RNF121: variants seen among roughly 807,000 people sequenced by gnomAD.
The protein encoded by RNF121 is ring finger protein 121.
RNF121 carries 21 observed loss-of-function variants against 46.5 expected under a neutral mutation model. The observed-to-expected ratio is 0.45, with a 90% CI of 0.32 to 0.65. The LOEUF (loss-of-function observed/expected upper bound fraction) is 0.65, where lower values mean the gene tolerates loss of function less well. RNF121 is among the 30% of genes least tolerant of loss of function. The pLI is 0.04. For missense variants in RNF121, 346 were observed against 416.0 expected, an observed-to-expected ratio of 0.83 and a Z score of 1.46; for synonymous variants, 139 against 144.7, an observed-to-expected ratio of 0.96 and a Z score of 0.28.
intron 1 of RNF121, among the ~76,000 whole-genome samples, chr11:71,942,798 A>C (rs1953613591): frequency 2.5e-5 from 1 of 40,100 alleles, no homozygotes; most frequent in Admixed American, 2.4e-4. Flanking sequence ...ATAGATATAT[A>C]TATGTACACA....
Position 71,994,866 on chromosome 11 carries a change from A to G in RNF121, c.761+14A>G. 1 of 1,614,064 alleles carries G rather than the reference A, an allele frequency of 6.2e-7. No homozygotes were observed. The highest frequency in any genetic ancestry group is 8.5e-7 in the Non-Finnish European group (1 of 1,179,954). ...CTGCAATCATGTGTATCCTGCCTCG[A>G]GCTCCTGGGCCACATCTCTCCTGCA... On this transcript the variant is annotated intron_variant, in intron 7 of 8. Coordinates refer to ENST00000361756, the MANE Select transcript of RNF121 (RefSeq NM_018320.5).
At position 71,938,507 on chromosome 11, in the gene RNF121, C is replaced by T. The variant is rs541742448; in HGVS notation, c.63+9383C>T. 1.0e-3 allele frequency among the ~76,000 whole-genome samples: 156 copies of T among 151,840 alleles called. 2 individuals carry two copies. The South Asian group carries it at 0.031, about 30-fold the overall frequency. On this transcript the variant is annotated intron_variant, in intron 1 of 8. Coordinates refer to ENST00000361756, the MANE Select transcript of RNF121 (RefSeq NM_018320.5). ...GCTAATTTTGCATTTTTAGTAGAGA[C>T]GTGGTTTCTCCATGTTGGTCAGGCT...
chr11:71,982,250 C>T (rs1175719251), intron 3 of RNF121, among the ~76,000 whole-genome samples: 5 of 135,170 alleles, frequency 3.7e-5, no homozygotes, highest in African/African-American at 1.4e-4. Context: ...GCAAGAGAAT[C>T]GCTTAAACCT....
chr11:71,967,174 A>G (rs1462230734), intron 3 of RNF121, among the ~76,000 whole-genome samples: 2 of 150,730 alleles, frequency 1.3e-5, no homozygotes, highest in Non-Finnish European at 1.5e-5. Context: ...CCCGGCCAAT[A>G]TTTGTGTTTT....
intron 3 of RNF121, among the ~76,000 whole-genome samples, chr11:71,974,645 A>C (rs1954490004): frequency 9.1e-6 from 1 of 110,348 alleles, no homozygotes; most frequent in Admixed American, 9.6e-5. Context: ...CAAAGGCTTC[A>C]GGAAATTTTT....
At chr11:71,950,580 C>G (rs1478456401) in intron 1 of RNF121, among the ~76,000 whole-genome samples, 1 of 151,598 alleles carries the variant, frequency 6.6e-6, no homozygotes, top group Non-Finnish European at 1.5e-5. Context: ...CAGAGCAAGA[C>G]TCTGTCTTAA....
chr11:71,979,972 T>C (rs935834737), intron 3 of RNF121, among the ~76,000 whole-genome samples: 1 of 152,222 alleles, frequency 6.6e-6, no homozygotes, highest in Non-Finnish European at 1.5e-5. Context: ...TGCCACCCTT[T>C]TAGTTTCATG....
rs1954705703 is a variant in RNF121 at position 71,983,457 on chromosome 11, CA to C, written c.398+543del. Reference sequence around the variant, plus strand: ...GAATTTTTGTTGAATGAATGAATCTCAGCAAATTTATAATTTTCCAATAAAC... The same window carrying C: ...GAATTTTTGTTGAATGAATGAATCTCGCAAATTTATAATTTTCCAATAAAC... On this transcript the variant is annotated intron_variant, in intron 4 of 8. Transcript: ENST00000361756. Among the ~76,000 whole-genome samples, 6 of 152,344 alleles carry C rather than the reference CA, an allele frequency of 3.9e-5. No homozygotes were observed. In the South Asian group the frequency reaches 1.2e-3, roughly 32 times the overall value.
At chr11:71,984,374 G>C (rs1415961813) in intron 4 of RNF121, among the ~76,000 whole-genome samples, 1 of 149,474 alleles carries the variant, frequency 6.7e-6, no homozygotes, top group East Asian at 2.0e-4. Flanking sequence ...CCGCCTCCTG[G>C]GTTCACACCA....
intron 1 of RNF121, among the ~76,000 whole-genome samples, chr11:71,943,196 T>C (rs1953628328): frequency 6.6e-6 from 1 of 152,254 alleles, no homozygotes; most frequent in Non-Finnish European, 1.5e-5. Context: ...AAATAGAGCC[T>C]ACAGGACTTG....
chr11:71,931,100 G>T (rs1953268401), intron 1 of RNF121, among the ~76,000 whole-genome samples: 1 of 152,146 alleles, frequency 6.6e-6, no homozygotes, highest in Admixed American at 6.5e-5. Flanking sequence ...TCCCAAATGT[G>T]CTGGGATTAC....
At chr11:71,934,205 A>G (rs1240532184) in intron 1 of RNF121, among the ~76,000 whole-genome samples, 2 of 152,222 alleles carry the variant, frequency 1.3e-5, no homozygotes, top group Admixed American at 1.3e-4. Flanking sequence ...TTCTCAACTT[A>G]GTCCTCAAAC....
chr11:71,951,350 A>G (rs1565145831), intron 1 of RNF121, among the ~76,000 whole-genome samples: 1 of 152,094 alleles, frequency 6.6e-6, no homozygotes, highest in Admixed American at 6.5e-5. Flanking sequence ...GATGTACATT[A>G]TTTTTTTCTT....
intron 1 of RNF121, among the ~76,000 whole-genome samples, chr11:71,931,106 A>G (rs56891737): frequency 0.029 from 4,346 of 152,228 alleles, 225 homozygotes; most frequent in African/African-American, 0.099. Flanking sequence ...ATGTGCTGGG[A>G]TTACAGGTGT....
chr11:71,981,147 CA>C (rs1379939609), intron 3 of RNF121, among the ~76,000 whole-genome samples: 1 of 151,774 alleles, frequency 6.6e-6, no homozygotes, highest in African/African-American at 2.4e-5. Flanking sequence ...CTCTTGGGTT[CA>C]CACCATTCTC....
chr11:71,951,270 G>A (rs1953872014), intron 1 of RNF121, among the ~76,000 whole-genome samples: 1 of 151,818 alleles, frequency 6.6e-6, no homozygotes, highest in Admixed American at 6.6e-5. Context: ...TTATAAATGA[G>A]GAAACTGAGG....
chr11:71,980,439 C>T (rs1393127422), intron 3 of RNF121, among the ~76,000 whole-genome samples: 2 of 152,080 alleles, frequency 1.3e-5, no homozygotes, highest in Non-Finnish European at 2.9e-5. Context: ...CTCCACCTCC[C>T]GGATTCAAGC....
intron 1 of RNF121, among the ~76,000 whole-genome samples, chr11:71,945,375 T>TG (rs1953689677): frequency 6.6e-6 from 1 of 152,236 alleles, no homozygotes; most frequent in Non-Finnish European, 1.5e-5. Flanking sequence ...TTAAACTTAG[T>TG]AGCCGTTGGC....
chr11:71,978,949 A>C (rs151318010), intron 3 of RNF121, among the ~76,000 whole-genome samples: 1 of 152,192 alleles, frequency 6.6e-6, no homozygotes, highest in African/African-American at 2.4e-5. Flanking sequence ...CATTTTGTTC[A>C]TTCTTTAATG....
Sources: gnomAD v4.1 joint callset for allele counts (sites outside exome capture counted in the v4.1 genomes callset) on GRCh38, gnomAD v4.1.1 for gene constraint, MANE v1.5 for transcripts, NCBI Gene and HGNC (gene_info 2026-07-23, HGNC 2026-07-21) for gene names.